The following RNF144A variants were observed in gnomAD, a reference collection of about 807,000 sequenced individuals.
RNF144A encodes E3 ubiquitin-protein ligase RNF144A.
RNF144A carries 11 observed loss-of-function variants against 38.7 expected under a neutral mutation model. The ratio of observed to expected loss-of-function variants is 0.28; its 90% CI spans 0.18 to 0.47. The LOEUF is 0.47. Ranked by LOEUF, RNF144A falls within the 20% of genes least tolerant of loss-of-function variation. The probability of loss-of-function intolerance (pLI) is 0.99; values close to 1 mark genes in which losing one functional copy is unlikely to be tolerated. For missense variants in RNF144A, 316 were observed against 377.2 expected (o/e 0.84, Z 1.34); for synonymous variants, 149 against 143.9 (o/e 1.04, Z -0.25).
rs970455887 is a variant in RNF144A at position 7,067,394 on chromosome 2, G to A, written c.735-822G>A. ...AATAGCTCAGGGGTAGACAACCTTC[G>A]TGGTGTTAAAACTGAAAACCAGGAA... On this transcript the variant is annotated intron_variant, in intron 6 of 6. Coordinates refer to the RNF144A transcript ENST00000432850. 6.6e-5 allele frequency among the ~76,000 whole-genome samples: 10 copies of A among 152,302 alleles called. No homozygotes were observed. In the South Asian group the frequency reaches 1.9e-3, roughly 28 times the overall value.
chr2:7,027,982 G>C (rs1672028123), intron 7 of RNF144A, among the ~76,000 whole-genome samples: 1 of 135,244 alleles, frequency 7.4e-6, no homozygotes, highest in African/African-American at 2.7e-5. Context: ...GATGAGGGTG[G>C]GGGGCGGGGT....
chr2:7,072,179 C>G (rs1674509248), downstream of RNF144A, among the ~76,000 whole-genome samples: 1 of 152,230 alleles, frequency 6.6e-6, no homozygotes, highest in Non-Finnish European at 1.5e-5. Context: ...TAGCCACATG[C>G]TAGACAAAGC....
intron 8 of RNF144A, among the ~76,000 whole-genome samples, chr2:7,036,874 A>G (rs1672715149): frequency 6.6e-6 from 1 of 152,276 alleles, no homozygotes; most frequent in African/African-American, 2.4e-5. Flanking sequence ...GGCTCGTCCC[A>G]TAAACCTGGG....
intron 6 of RNF144A, among the ~76,000 whole-genome samples, chr2:7,064,684 G>T (rs1356623772): frequency 6.6e-6 from 1 of 152,236 alleles, no homozygotes; most frequent in African/African-American, 2.4e-5. Flanking sequence ...TAATGACTTT[G>T]ATAGACTTTC....
intron 2 of RNF144A, among the ~76,000 whole-genome samples, chr2:6,969,724 G>GT (rs1667880276): frequency 6.6e-6 from 1 of 152,304 alleles, no homozygotes; most frequent in African/African-American, 2.4e-5. Flanking sequence ...GCAAAATACA[G>GT]TCAGTCTTCC....
intron 2 of RNF144A, among the ~76,000 whole-genome samples, chr2:6,984,296 T>C (rs1176749383): frequency 6.6e-6 from 1 of 152,102 alleles, no homozygotes; most frequent in Non-Finnish European, 1.5e-5. Context: ...CCAAGTTTCT[T>C]TTTTCTTTTC....
In RNF144A at chr2:7,041,542, G is replaced by A. The variant is rs546970634; in HGVS notation, c.*1782G>A. The A allele has an allele frequency of 3.3e-5, 33 of 986,036 alleles. No individual in the cohort carries two copies. Among genetic ancestry groups the A allele is most frequent in the Middle Eastern group, 5.2e-4 (1 of 1,914 alleles). 61.1% of individuals were successfully genotyped at this position (986,036 alleles called of 1,614,324 possible). Reference sequence around the variant, plus strand: ...GGAACCTGGGCTGTGGCTCTCTGTCGTTTGTGGTGCTGTGATGGTGTCTAC... The same window carrying A: ...GGAACCTGGGCTGTGGCTCTCTGTCATTTGTGGTGCTGTGATGGTGTCTAC... On this transcript the variant is annotated 3_prime_UTR_variant, in exon 9 of 9. Transcript: ENST00000320892.
In RNF144A at chr2:6,962,562, T is replaced by C. The variant is rs1469838312; in HGVS notation, c.-12+21415T>C. ...TACCTCCCATATCAAAACTTTGTGCTATTTAGCCTTCTGACTGAACACTGG... is the reference window on the plus strand; with the variant it reads ...TACCTCCCATATCAAAACTTTGTGCCATTTAGCCTTCTGACTGAACACTGG... On this transcript the variant is annotated intron_variant, in intron 2 of 8. Coordinates refer to ENST00000320892, the MANE Select transcript of RNF144A (RefSeq NM_014746.6). This position sits in a 1 kb window ranked among gnomAD's most constrained non-coding sequence, Gnocchi z 4.1. Among the ~76,000 whole-genome samples the C allele has an allele frequency of 1.3e-5, 2 of 152,254 alleles. No individual in the cohort carries two copies. Among genetic ancestry groups the C allele is most frequent in the African/African-American group, 4.8e-5 (2 of 41,468 alleles).
intron 2 of RNF144A, among the ~76,000 whole-genome samples, chr2:6,951,874 C>T (rs1275489440): frequency 6.6e-6 from 1 of 152,026 alleles, no homozygotes; most frequent in Non-Finnish European, 1.5e-5. Context: ...ACTGTTTATT[C>T]ATTTTCAATT....
intron 3 of RNF144A, among the ~76,000 whole-genome samples, chr2:7,008,217 G>A (rs922551429): frequency 2.0e-5 from 3 of 152,244 alleles, no homozygotes; most frequent in Non-Finnish European, 4.4e-5. Flanking sequence ...ACAGGCAACT[G>A]TGAGAACAAA....
chr2:6,983,448 C>T (rs148190718), intron 2 of RNF144A, among the ~76,000 whole-genome samples: 8 of 152,334 alleles, frequency 5.3e-5, no homozygotes, highest in East Asian at 1.9e-4. Flanking sequence ...GTCAGCATCA[C>T]GCCTCTGGCC....
At chr2:7,026,418 T>G (rs1671897129) in intron 7 of RNF144A, among the ~76,000 whole-genome samples, 1 of 152,094 alleles carries the variant, frequency 6.6e-6, no homozygotes, top group South Asian at 2.1e-4. Flanking sequence ...AGGGGATTTG[T>G]GGAGTGGCAT....
At chr2:6,930,054 G>A (rs1665106657) in intron 1 of RNF144A, among the ~76,000 whole-genome samples, 1 of 152,248 alleles carries the variant, frequency 6.6e-6, no homozygotes, top group African/African-American at 2.4e-5. Context: ...ACTTTGCACA[G>A]TTGCGCTTTG....
At position 7,029,565 on chromosome 2, in the gene RNF144A, C is replaced by T. The variant is rs527457990; in HGVS notation, c.658-561C>T. 2.4e-4 allele frequency among the ~76,000 whole-genome samples: 37 copies of T among 152,302 alleles called. No individual in the cohort carries two copies. The South Asian group carries it at 6.6e-3, about 27-fold the overall frequency. On this transcript the variant is annotated intron_variant, in intron 7 of 8. Coordinates refer to ENST00000320892, the MANE Select transcript of RNF144A (RefSeq NM_014746.6). Reference sequence around the variant, plus strand: ...CTGGATCTTGAATCATGAGGAAAATCAAGTGGCCTGAGTGGAGAGGAAGCG... The same window carrying T: ...CTGGATCTTGAATCATGAGGAAAATTAAGTGGCCTGAGTGGAGAGGAAGCG...
intron 8 of RNF144A, among the ~76,000 whole-genome samples, chr2:7,034,633 G>T (rs540449556): frequency 4.5e-4 from 68 of 152,296 alleles, no homozygotes; most frequent in Non-Finnish European, 8.2e-4. Context: ...CCAGGCTGTG[G>T]GAAACTCATA....
At chr2:6,993,656 C>G (rs1669539859) in intron 2 of RNF144A, among the ~76,000 whole-genome samples, 1 of 152,052 alleles carries the variant, frequency 6.6e-6, no homozygotes, top group African/African-American at 2.4e-5. Context: ...GATGTCCAGG[C>G]TGGGAGCATA....
chr2:7,035,996 C>A (rs575021620), intron 8 of RNF144A, among the ~76,000 whole-genome samples: 1 of 152,178 alleles, frequency 6.6e-6, no homozygotes. Flanking sequence ...AGAGTGGCCG[C>A]GAATGCAAGA....
At chr2:6,992,532 GC>G (rs1558413051) in intron 2 of RNF144A, among the ~76,000 whole-genome samples, 1 of 152,216 alleles carries the variant, frequency 6.6e-6, no homozygotes, top group Admixed American at 6.5e-5. Context: ...GAGTTAGGCT[GC>G]AGAGGAAACA....
chr2:6,945,498 C>T (rs934276508), intron 2 of RNF144A, among the ~76,000 whole-genome samples: 11 of 152,154 alleles, frequency 7.2e-5, no homozygotes, highest in African/African-American at 2.2e-4. Flanking sequence ...TCTGAGCCTT[C>T]CTGGTGTTTA....
Sources: allele counts gnomAD v4.1 joint callset (sites outside exome capture counted in the v4.1 genomes callset), GRCh38; gene constraint gnomAD v4.1.1; non-coding constraint Gnocchi (gnomAD v3.1); transcripts MANE v1.5; gene names NCBI Gene and HGNC (gene_info 2026-07-23, HGNC 2026-07-21).